Variants in CRLF2 observed in about 807,000 individuals in gnomAD.
The protein encoded by CRLF2 is cytokine receptor-like factor 2.
Under a neutral mutation model 38.7 loss-of-function variants are expected in CRLF2, and 41 were observed. That is an observed-to-expected ratio of 1.06 (90% confidence interval 0.83 to 1.37). The LOEUF (loss-of-function observed/expected upper bound fraction) is 1.37, where lower values mean the gene tolerates loss of function less well. CRLF2 is among the 40% of genes most tolerant of loss of function. The pLI is 0.00. For synonymous variants in CRLF2, 140 were observed against 128.8 expected (o/e 1.09, Z -0.59); for missense variants, 377 against 322.2 (o/e 1.17, Z -1.30).
At chrX:1,199,833 T>C (rs2086567652) in intron 4 of CRLF2, among the ~76,000 whole-genome samples, 1 of 151,856 alleles carries the variant, frequency 6.6e-6, no homozygotes, top group Non-Finnish European at 1.5e-5. Flanking sequence ...TATATCTGTG[T>C]GTATAGAAGC....
At chrX:1,200,488 G>A (rs1434990105) in intron 4 of CRLF2, among the ~76,000 whole-genome samples, 1 of 151,410 alleles carries the variant, frequency 6.6e-6, no homozygotes, top group African/African-American at 2.4e-5. Flanking sequence ...TATATAAGCT[G>A]TGTATATAAG....
At chrX:1,192,720 CTTTCTTTCTTTCT>C (rs2086411120) in intron 7 of CRLF2, among the ~76,000 whole-genome samples, 1 of 51,766 alleles carries the variant, frequency 1.9e-5, no homozygotes, top group South Asian at 5.9e-4. Flanking sequence ...TTCTTTCTTT[CTTTCTTTCTTTCT>C]TTCTTTCTTT....
At chrX:1,199,407 C>T (rs2086561060) in intron 4 of CRLF2, among the ~76,000 whole-genome samples, 2 of 152,160 alleles carry the variant, frequency 1.3e-5, no homozygotes, top group Admixed American at 1.3e-4. Context: ...CGGGTTCAAG[C>T]AATTCTTGTG....
chrX:1,204,677 C>G (rs547274833), intron 3 of CRLF2, among the ~76,000 whole-genome samples: 1 of 146,492 alleles, frequency 6.8e-6, no homozygotes, highest in African/African-American at 2.5e-5. Flanking sequence ...TGTGCCACCA[C>G]GCCTGGCTAA....
intron 3 of CRLF2, among the ~76,000 whole-genome samples, 189 bp from the exon 4 acceptor site, chrX:1,202,724 G>A (rs1480195392): frequency 1.3e-5 from 2 of 152,062 alleles, no homozygotes; most frequent in African/African-American, 2.4e-5. Flanking sequence ...GTAGGTTTGT[G>A]AAGGAAGGAA....
At position 1,208,886 on chromosome X, in the gene CRLF2, G is replaced by A. The variant is rs762903130; in HGVS notation, c.102C>T (p.Ile34=). The A allele has an allele frequency of 6.2e-7, 1 of 1,607,024 alleles. No individual in the cohort carries two copies. Among genetic ancestry groups the A allele is most frequent in the Non-Finnish European group, 8.5e-7 (1 of 1,173,588 alleles). The part of the protein sequence containing the change: ...GGAAEGVQIQ[I]IYFNLETVQV... ...GCACGGTTTCTAAATTGAAGTAGAT[G>A]ATCTGAATCTGTACTCCTTCTGCTA... The change falls in exon 2 of 8, where the codon ATC becomes ATT. Residue 34 remains isoleucine (I), a synonymous_variant. Coordinates refer to ENST00000400841, the MANE Select transcript of CRLF2 (RefSeq NM_022148.4).
rs754273736 is a variant in CRLF2, at chrX:1,197,778, A to C, written c.646+784T>G. On this transcript the variant is annotated intron_variant, in intron 5 of 7. Coordinates refer to ENST00000400841, the MANE Select transcript of CRLF2 (RefSeq NM_022148.4). The stretch of plus-strand genomic sequence containing the variant: ...GCAGTGAGCCAAGACCGTGCCACTG[A>C]ACTCCAGCCTGGACCACAGACTGAG... Among the ~76,000 whole-genome samples the C allele has an allele frequency of 8.2e-4, 125 of 151,586 alleles. 1 individual carries two copies. Among genetic ancestry groups the C allele is most frequent in the African/African-American group, 2.6e-3 (108 of 41,320 alleles).
rs1253777927 is a variant in CRLF2, at chrX:1,195,929, C to T, written c.767+851G>A. Among the ~76,000 whole-genome samples, 12 of 137,198 alleles carry T rather than the reference C, an allele frequency of 8.7e-5. No individual in the cohort carries two copies. In the East Asian group the frequency reaches 1.8e-3, roughly 21 times the overall value. The allele number at this position is 137,198 out of a possible 152,430, so 90.0% of individuals were successfully genotyped here. ...TATTTATATATTTTTATATAGATTA[C>T]ATTAAATATATTTATATATATTTTA... On this transcript the variant is annotated intron_variant, in intron 6 of 7. Coordinates refer to ENST00000400841, the MANE Select transcript of CRLF2 (RefSeq NM_022148.4).
intron 4 of CRLF2, among the ~76,000 whole-genome samples, chrX:1,201,725 T>C (rs1394558031): frequency 2.0e-5 from 3 of 151,674 alleles, no homozygotes; most frequent in Admixed American, 1.3e-4. Flanking sequence ...GACGGATAGA[T>C]GATAGATGTA....
rs1315451558 is a variant in CRLF2 at position 1,210,123 on chromosome X, AAAG to A, written c.80-1218_80-1216del. Among the ~76,000 whole-genome samples the A allele has an allele frequency of 2.4e-3, 165 of 67,976 alleles. 4 individuals are homozygous for A. Among genetic ancestry groups the A allele is most frequent in the Non-Finnish European group, 3.0e-3 (95 of 32,060 alleles). The allele number at this position is 67,976 out of a possible 152,430, so 44.6% of individuals were successfully genotyped here. ...CCTATCAAAAAAAAAAAAGAAAAGA[AAAG>A]AAAAGAAAAGAAAAGAAAAGAAATG... On this transcript the variant is annotated intron_variant, in intron 1 of 7. Transcript: ENST00000400841.
chrX:1,202,684 G>A (rs1344478510), intron 3 of CRLF2, 149 bp from the exon 4 acceptor site: 34 of 912,130 alleles, frequency 3.7e-5, no homozygotes, highest in Non-Finnish European at 5.2e-5. Context: ...ACTTTTATAG[G>A]AGAAGCTTCC....
chrX:1,192,307 C>G (rs1231100543), intron 7 of CRLF2, among the ~76,000 whole-genome samples: 2 of 151,754 alleles, frequency 1.3e-5, no homozygotes, highest in African/African-American at 4.8e-5. Context: ...TCTGACACAG[C>G]TGACCAGCAT....
chrX:1,209,294 TTGTAGTGTAGTGTAGTGTAG>T (rs774118469), intron 1 of CRLF2, among the ~76,000 whole-genome samples: 100 of 142,524 alleles, frequency 7.0e-4, no homozygotes, highest in African/African-American at 2.3e-3. Context: ...TTGCATTGTA[TTGTAGTGTAGTGTAGTGTAG>T]TGTAGTGTAG....
At position 1,193,229 on chromosome X, in the gene CRLF2, C is replaced by T; in HGVS notation, c.841G>A (p.Gly281Arg). ...GAGAGGGCGGATACCTGGAAGTTCCCTTGGTGTATCTCAAAGAGCCCGGGG... is the reference window on the plus strand; with the variant it reads ...GAGAGGGCGGATACCTGGAAGTTCCTTTGGTGTATCTCAAAGAGCCCGGGG... ...IFPGLFEIHQ[G>R]NFQEWITDTQ... The change falls in exon 7 of 8, where the codon GGG (glycine) becomes AGG (arginine). Residue 281 changes from glycine (G) to arginine (R), a missense_variant. Gly to Arg is a moderately radical substitution (Grantham distance 125). Transcript: ENST00000400841. 2.5e-6 allele frequency: 1 copy of T among 398,506 alleles called. No homozygotes were observed. Among genetic ancestry groups the T allele is most frequent in the Non-Finnish European group, 4.4e-6 (1 of 226,150 alleles). 24.7% of individuals were successfully genotyped at this position (398,506 alleles called of 1,614,324 possible). A position where few individuals can be genotyped will look rare whatever the true frequency, so the allele number is the denominator to read the frequency against.
intron 1 of CRLF2, 131 bp downstream of exon 1, chrX:1,212,425 A>C (rs1217732185): frequency 1.6e-6 from 1 of 613,536 alleles, no homozygotes; most frequent in Non-Finnish European, 2.8e-6. Context: ...CCGGAAAAAA[A>C]AAAAAAAAAA....
At chrX:1,205,692 A>G (rs1166887642) in intron 3 of CRLF2, among the ~76,000 whole-genome samples, 1 of 150,458 alleles carries the variant, frequency 6.6e-6, no homozygotes, top group Non-Finnish European at 1.5e-5. Flanking sequence ...CTGCTTTTCA[A>G]TAGTTACGGG....
intron 1 of CRLF2, among the ~76,000 whole-genome samples, chrX:1,209,431 A>G (rs2086754575): frequency 6.6e-6 from 1 of 151,554 alleles, no homozygotes; most frequent in Non-Finnish European, 1.5e-5. Flanking sequence ...TCCCGGGTTC[A>G]CGCCATTCTC....
chrX:1,192,204 C>CAAAAAAAAAAAAA (rs1214481830), intron 7 of CRLF2, among the ~76,000 whole-genome samples: 1 of 78,806 alleles, frequency 1.3e-5, no homozygotes, highest in African/African-American at 5.1e-5. Flanking sequence ...GACTCCGTCT[C>CAAAAAAAAAAAAA]AAAAAAAAAA....
intron 4 of CRLF2, 154 bp from the exon 5 acceptor site, chrX:1,198,878 G>A (rs1237320991): frequency 1.3e-6 from 1 of 761,688 alleles, no homozygotes; most frequent in South Asian, 1.7e-5. Flanking sequence ...GCCGGACACA[G>A]TGGCTCACTC....
Sources: gnomAD v4.1 joint callset for allele counts (sites outside exome capture counted in the v4.1 genomes callset) on GRCh38, gnomAD v4.1.1 for gene constraint, MANE v1.5 for transcripts, NCBI Gene and HGNC (gene_info 2026-07-23, HGNC 2026-07-21) for gene names.